LYRM4: variants seen among roughly 807,000 people sequenced by gnomAD.
LYRM4 encodes LYR motif-containing protein 4.
In LYRM4, 9 loss-of-function variants were observed where a neutral mutation model predicts 11.7. The observed-to-expected ratio is 0.77, with a 90% CI of 0.46 to 1.34. The LOEUF (loss-of-function observed/expected upper bound fraction) is 1.34. Ranked by LOEUF, LYRM4 falls within the 40% of genes most tolerant of loss-of-function variation. The pLI is 0.00. For synonymous variants in LYRM4, 42 were observed against 40.4 expected, an observed-to-expected ratio of 1.04 and a Z score of -0.15; for missense variants, 133 against 112.5, an observed-to-expected ratio of 1.18 and a Z score of -0.82.
intron 2 of LYRM4, among the ~76,000 whole-genome samples, chr6:5,214,434 A>G (rs1184386499): frequency 1.3e-5 from 2 of 152,202 alleles, no homozygotes; most frequent in African/African-American, 4.8e-5. Flanking sequence ...TGGGGACCTC[A>G]CACTGGCTTC....
intron 2 of LYRM4, among the ~76,000 whole-genome samples, chr6:5,176,825 T>C (rs1007054828): frequency 5.9e-5 from 9 of 152,246 alleles, no homozygotes; most frequent in Non-Finnish European, 8.8e-5. Context: ...AGTGTGAGTA[T>C]ATAATTTCAT....
intron 2 of LYRM4, among the ~76,000 whole-genome samples, chr6:5,144,796 G>C (rs1757622342): frequency 6.6e-6 from 1 of 152,060 alleles, no homozygotes; most frequent in African/African-American, 2.4e-5. Flanking sequence ...GCTCACTCCC[G>C]GGCTGCCCGG....
intron 2 of LYRM4, among the ~76,000 whole-genome samples, chr6:5,183,932 A>G (rs572354390): frequency 6.6e-6 from 1 of 152,388 alleles, no homozygotes; most frequent in South Asian, 2.1e-4. Context: ...CCATAAACAA[A>G]TGGTAAGTAT....
chr6:5,197,374 G>A (rs1159270664), intron 2 of LYRM4, among the ~76,000 whole-genome samples: 1 of 152,162 alleles, frequency 6.6e-6, no homozygotes, highest in Non-Finnish European at 1.5e-5. Flanking sequence ...TAATATCTTA[G>A]AATAGATTTT....
intron 2 of LYRM4, among the ~76,000 whole-genome samples, chr6:5,162,646 T>C (rs760192216): frequency 2.0e-5 from 3 of 152,200 alleles, no homozygotes; most frequent in Non-Finnish European, 4.4e-5. Context: ...TGCTGTTGCA[T>C]CCTTTAGATT....
intron 1 of LYRM4, among the ~76,000 whole-genome samples, chr6:5,231,490 T>C (rs1338338000): frequency 1.3e-5 from 2 of 152,168 alleles, no homozygotes; most frequent in Non-Finnish European, 2.9e-5. Context: ...ACTTCACTTC[T>C]TGAAGTTAAA....
At chr6:5,225,935 T>C (rs181398240) in intron 1 of LYRM4, among the ~76,000 whole-genome samples, 3 of 152,356 alleles carry the variant, frequency 2.0e-5, no homozygotes, top group East Asian at 1.9e-4. Flanking sequence ...TTTCTCATCA[T>C]GTATGATGTC....
At chr6:5,239,394 G>A (rs1443515866) in intron 1 of LYRM4, among the ~76,000 whole-genome samples, 1 of 152,090 alleles carries the variant, frequency 6.6e-6, no homozygotes, top group African/African-American at 2.4e-5. Flanking sequence ...CGAGGTGTTG[G>A]TAGCATAACC....
intron 1 of LYRM4, among the ~76,000 whole-genome samples, chr6:5,228,239 T>G (rs566924525): frequency 1.3e-5 from 2 of 152,256 alleles, no homozygotes; most frequent in South Asian, 4.2e-4. Flanking sequence ...TCATAAATAA[T>G]AATTGGACCT....
intron 2 of LYRM4, chr6:5,144,100 G>A (rs1757561981): frequency 8.5e-6 from 13 of 1,523,518 alleles, no homozygotes; most frequent in Non-Finnish European, 1.1e-5. Context: ...AGGTGAGAGC[G>A]ATCTGATCTG....
chr6:5,146,277 C>T (rs568775819), intron 2 of LYRM4, among the ~76,000 whole-genome samples: 1 of 152,262 alleles, frequency 6.6e-6, no homozygotes, highest in African/African-American at 2.4e-5. Flanking sequence ...CTTATTGATG[C>T]CCTGTCCCTA....
chr6:5,248,122 T>C (rs950765540), intron 1 of LYRM4, among the ~76,000 whole-genome samples: 2 of 152,244 alleles, frequency 1.3e-5, no homozygotes, highest in African/African-American at 4.8e-5. Context: ...TCCTCTACGT[T>C]TGATGCTTCA....
intron 2 of LYRM4, among the ~76,000 whole-genome samples, chr6:5,176,075 T>TTA (rs1360181765): frequency 6.6e-6 from 1 of 151,718 alleles, no homozygotes; most frequent in Non-Finnish European, 1.5e-5. Flanking sequence ...TAATTTTTTT[T>TTA]TTTTTTTGAG....
intron 2 of LYRM4, among the ~76,000 whole-genome samples, chr6:5,212,370 G>A (rs1762029106): frequency 1.3e-5 from 2 of 152,216 alleles, no homozygotes; most frequent in African/African-American, 4.8e-5. Flanking sequence ...TGCTGTTCCT[G>A]ATGTAAAACA....
intron 2 of LYRM4, among the ~76,000 whole-genome samples, chr6:5,141,568 A>G (rs1757412290): frequency 6.6e-6 from 1 of 152,172 alleles, no homozygotes. Flanking sequence ...GCATACTAAC[A>G]TCAAACATGA....
At position 5,219,692 on chromosome 6, in the gene LYRM4, T is replaced by G. The variant is rs141031422; in HGVS notation, c.87-2954A>C. Among the ~76,000 whole-genome samples the G allele has an allele frequency of 2.3e-3, 352 of 152,268 alleles. 1 individual carries two copies. Among genetic ancestry groups the G allele is most frequent in the Non-Finnish European group, 4.3e-3 (293 of 68,018 alleles). ...TATTTCAATCCTGGCCCTGCCCTGG[T>G]TTTTATCATTTGCTTTTTTTTTTTT... is the stretch of plus-strand genomic sequence containing the variant. On this transcript the variant is annotated intron_variant, in intron 1 of 2. Transcript: ENST00000330636.
At chr6:5,144,145 G>GAC (rs1757564129) in intron 2 of LYRM4, 4 of 1,536,470 alleles carry the variant, frequency 2.6e-6, no homozygotes, top group Non-Finnish European at 3.5e-6. Context: ...CACCAGCTCT[G>GAC]TGAGGAAGAG....
At chr6:5,086,090 A>T in the LYRM4 span, 1 of 1,467,220 alleles carries the variant, frequency 6.8e-7, no homozygotes, top group Non-Finnish European at 8.9e-7. Flanking sequence ...CCGCTCTTCC[A>T]GCTCCCGGGG....
At chr6:5,111,144 A>G (rs904710143) in intron 2 of LYRM4, among the ~76,000 whole-genome samples, 12 of 152,146 alleles carry the variant, frequency 7.9e-5, no homozygotes, top group African/African-American at 2.9e-4. Context: ...TCATATATTA[A>G]CCTCAACAGA....
Sources: allele counts gnomAD v4.1 joint callset (sites outside exome capture counted in the v4.1 genomes callset), GRCh38; gene constraint gnomAD v4.1.1; transcripts MANE v1.5; gene names NCBI Gene and HGNC (gene_info 2026-07-23, HGNC 2026-07-21).